CACNA2D3: variants seen among roughly 807,000 people sequenced by gnomAD.
CACNA2D3 encodes calcium voltage-gated channel auxiliary subunit alpha2delta 3.
Under a neutral mutation model 160.6 loss-of-function variants are expected in CACNA2D3, and 60 were observed. The observed-to-expected ratio is 0.37, with a 90% CI of 0.30 to 0.46. CACNA2D3 has a LOEUF of 0.46. CACNA2D3 is among the 20% of genes least tolerant of loss of function. CACNA2D3 has a pLI of 1.00. For missense variants in CACNA2D3, 1,205 were observed against 1,365.0 expected (o/e 0.88, Z 1.85); for synonymous variants, 558 against 492.9 (o/e 1.13, Z -1.75).
At chr3:54,133,779 G>A (rs7618672) in intron 2 of CACNA2D3, among the ~76,000 whole-genome samples, 20,143 of 152,066 alleles carry the variant, frequency 0.13, 1,958 homozygotes, top group African/African-American at 0.26. Context: ...ATTGAATTTG[G>A]CTAAGTTTTC....
At chr3:54,196,848 A>G (rs929295423) in intron 2 of CACNA2D3, among the ~76,000 whole-genome samples, 9 of 152,218 alleles carry the variant, frequency 5.9e-5, no homozygotes, top group South Asian at 2.1e-4. Flanking sequence ...AGTTGCTTCT[A>G]TGTAAGATAA....
At position 54,242,341 on chromosome 3, in the gene CACNA2D3, G is replaced by A. The variant is rs143964227; in HGVS notation, c.205-78101G>A. Among the ~76,000 whole-genome samples the A allele has an allele frequency of 5.0e-4, 76 of 152,204 alleles. No homozygotes were observed. The East Asian group carries it at 0.013, about 27-fold the overall frequency. The stretch of plus-strand genomic sequence containing the variant: ...GTCTGTAATCCCAGCTACTCGGGAG[G>A]CTGAGGCAGGATAATCACTTGAATC... On this transcript the variant is annotated intron_variant, in intron 2 of 37. Coordinates refer to ENST00000474759, the MANE Select transcript of CACNA2D3 (RefSeq NM_018398.3).
At chr3:54,918,159 A>G in intron 27 of CACNA2D3, 1 of 280,032 alleles carries the variant, frequency 3.6e-6, no homozygotes, top group East Asian at 7.1e-5. Flanking sequence ...GAGTACCTGG[A>G]AGAGATGGCA....
chr3:54,495,690 A>C (rs1575488848), intron 4 of CACNA2D3, among the ~76,000 whole-genome samples: 1 of 152,334 alleles, frequency 6.6e-6, no homozygotes, highest in African/African-American at 2.4e-5. Flanking sequence ...CAGAGGCTGC[A>C]GTGAGCCAAG....
intron 27 of CACNA2D3, among the ~76,000 whole-genome samples, chr3:54,908,168 C>G (rs1266144569): frequency 6.6e-6 from 1 of 152,166 alleles, no homozygotes; most frequent in Non-Finnish European, 1.5e-5. Flanking sequence ...TTTACAACAC[C>G]ACCAGCAACA....
chr3:54,886,734 A>G (rs1173011623), intron 23 of CACNA2D3, among the ~76,000 whole-genome samples: 1 of 151,770 alleles, frequency 6.6e-6, no homozygotes, highest in Non-Finnish European at 1.5e-5. Context: ...ATGAATTACT[A>G]TATTATAATA....
rs141586928 is a variant in CACNA2D3 at position 55,018,415 on chromosome 3, A to G, written c.2987+98A>G. Reference sequence around the variant, plus strand: ...GTGACTTGCAGGCACAGTTACACCAATAGAAAACATGGCTGCCCTCTTGCG... The same window carrying G: ...GTGACTTGCAGGCACAGTTACACCAGTAGAAAACATGGCTGCCCTCTTGCG... On this transcript the variant is annotated intron_variant, in intron 35 of 37. Transcript: ENST00000474759. 5.1e-3 allele frequency: 3,552 copies of G among 703,326 alleles called. 14 individuals carry two copies. The highest frequency in any genetic ancestry group is 6.9e-3 in the Non-Finnish European group (2,707 of 389,556). 43.6% of individuals were successfully genotyped at this position (703,326 alleles called of 1,614,324 possible). A position where few individuals can be genotyped will look rare whatever the true frequency, so the allele number is the denominator to read the frequency against.
At chr3:54,257,673 A>T (rs990677189) in intron 2 of CACNA2D3, among the ~76,000 whole-genome samples, 1 of 152,208 alleles carries the variant, frequency 6.6e-6, no homozygotes, top group Non-Finnish European at 1.5e-5. Flanking sequence ...TTGCTGGCCA[A>T]CATTAAAGCA....
intron 27 of CACNA2D3, among the ~76,000 whole-genome samples, chr3:54,949,716 A>C (rs1355984432): frequency 6.6e-6 from 1 of 152,116 alleles, no homozygotes; most frequent in African/African-American, 2.4e-5. Flanking sequence ...AAAAATTCAG[A>C]ACTGGTTTTG....
rs746930496 is a variant in CACNA2D3, at chr3:55,074,142, C to T, written c.3212C>T (p.Pro1071Leu). Reference protein sequence around the residue: ...EENARECGGAPSLQAQTVLLL... With the variant: ...EENARECGGALSLQAQTVLLL... The stretch of plus-strand genomic sequence containing the variant: ...AATGCAAGGGAGTGTGGGGGTGCGC[C>T]GAGTCTCCAAGCCCAGACAGTCCTC... The change falls in exon 38 of 38, where the codon CCG becomes CTG. Residue 1071 changes from proline to leucine, a missense_variant. Pro to Leu is a moderately conservative substitution (Grantham distance 98). Coordinates refer to ENST00000474759, the MANE Select transcript of CACNA2D3 (RefSeq NM_018398.3). The T allele has an allele frequency of 4.6e-5, 75 of 1,613,670 alleles. No individual in the cohort carries two copies. Among genetic ancestry groups the T allele is most frequent in the Middle Eastern group, 3.3e-4 (2 of 6,082 alleles).
intron 10 of CACNA2D3, chr3:54,637,577 C>T (rs915274419): frequency 6.6e-6 from 1 of 151,924 alleles, no homozygotes; most frequent in African/African-American, 2.4e-5. Context: ...GCTGTCAATA[C>T]TCACAACAGT....
chr3:54,291,656 A>T (rs771816578), intron 2 of CACNA2D3, among the ~76,000 whole-genome samples: 1 of 152,194 alleles, frequency 6.6e-6, no homozygotes, highest in Non-Finnish European at 1.5e-5. Flanking sequence ...ACTTTTATTC[A>T]TAATATATGC....
In CACNA2D3 at chr3:54,579,513, C is replaced by T. The variant is rs1702640400; in HGVS notation, c.889-2290C>T. ...ATTGAAACTGCCCATCAAACTTTCC[C>T]TTATGTCATGGTCATTTGACTGCCC... On this transcript the variant is annotated intron_variant, in intron 8 of 37. Transcript: ENST00000474759. Among the ~76,000 whole-genome samples, 3 of 152,204 alleles carry T rather than the reference C, an allele frequency of 2.0e-5. 1 individual carries two copies. The South Asian group carries it at 6.2e-4, about 31-fold the overall frequency.
rs1704903993 is a variant in CACNA2D3, at chr3:55,074,387, T to TATCTA, written c.*182_*186dup. 6 of 583,246 alleles carry TATCTA rather than the reference T, an allele frequency of 1.0e-5. No homozygotes were observed. The South Asian group carries it at 1.1e-4, about 10-fold the overall frequency. The allele number at this position is 583,246 out of a possible 1,614,324, so 36.1% of individuals were successfully genotyped here. A position where few individuals can be genotyped will look rare whatever the true frequency, so the allele number is the denominator to read the frequency against. ...TCTTAAAGATATGTTGACAAAAAGT[T>TATCTA]ATCTATCATCTTTTTACTTTGCCAG... On this transcript the variant is annotated 3_prime_UTR_variant, in exon 38 of 38. Coordinates refer to ENST00000474759, the MANE Select transcript of CACNA2D3 (RefSeq NM_018398.3).
At chr3:54,660,554 C>T (rs188856923) in intron 11 of CACNA2D3, among the ~76,000 whole-genome samples, 5 of 152,348 alleles carry the variant, frequency 3.3e-5, no homozygotes, top group African/African-American at 1.2e-4. Context: ...CCTGTATTCT[C>T]AGTAGGCTGG....
rs867096047 is a variant in CACNA2D3 at position 54,634,854 on chromosome 3, T to C, written c.1053+6978T>C. Among the ~76,000 whole-genome samples, 10 of 152,166 alleles carry C rather than the reference T, an allele frequency of 6.6e-5. No individual in the cohort carries two copies. In the South Asian group the frequency reaches 8.3e-4, roughly 13 times the overall value. On this transcript the variant is annotated intron_variant, in intron 10 of 37. Coordinates refer to ENST00000474759, the MANE Select transcript of CACNA2D3 (RefSeq NM_018398.3). ...GCATATTCACTTCTTTTGTGATTCT[T>C]TAGTTACTTCAGGCCATCTGGGCAT...
intron 2 of CACNA2D3, among the ~76,000 whole-genome samples, chr3:54,222,066 A>T (rs1293298020): frequency 6.6e-6 from 1 of 152,182 alleles, no homozygotes; most frequent in African/African-American, 2.4e-5. Flanking sequence ...GAACTTGCAG[A>T]TACAGAGGGC....
At chr3:54,657,735 G>T (rs1166991447) in intron 11 of CACNA2D3, among the ~76,000 whole-genome samples, 1 of 152,086 alleles carries the variant, frequency 6.6e-6, no homozygotes, top group Non-Finnish European at 1.5e-5. Flanking sequence ...AGATTCCATT[G>T]TATGTATATA....
chr3:54,612,156 G>C (rs541518580), intron 9 of CACNA2D3, among the ~76,000 whole-genome samples: 1 of 152,144 alleles, frequency 6.6e-6, no homozygotes, highest in Non-Finnish European at 1.5e-5. Flanking sequence ...GGGAAGTGAG[G>C]GCTTACAGCT....
Sources: gnomAD v4.1 joint callset for allele counts (sites outside exome capture counted in the v4.1 genomes callset) on GRCh38, gnomAD v4.1.1 for gene constraint, MANE v1.5 for transcripts, NCBI Gene and HGNC (gene_info 2026-07-23, HGNC 2026-07-21) for gene names.